Variants in TOX3 observed in about 807,000 individuals in gnomAD.
TOX3 encodes the protein TOX high mobility group box family member 3.
Under a neutral mutation model 64.3 loss-of-function variants are expected in TOX3, and 22 were observed. The ratio of observed to expected loss-of-function variants is 0.34; its 90% confidence interval spans 0.24 to 0.49. The LOEUF (loss-of-function observed/expected upper bound fraction) is 0.49. Among genes scored for constraint, TOX3 ranks in the 20% least tolerant of loss-of-function variants. The pLI is 0.99. For synonymous variants in TOX3, 291 were observed against 273.6 expected (o/e 1.06, Z -0.63); for missense variants, 661 against 714.4 (o/e 0.93, Z 0.85).
intron 1 of TOX3, among the ~76,000 whole-genome samples, chr16:52,508,040 G>C (rs1962207822): frequency 6.6e-6 from 1 of 152,180 alleles, no homozygotes; most frequent in South Asian, 2.1e-4. Flanking sequence ...AAAATATCGA[G>C]CAGTTTTGAC....
At chr16:52,478,341 T>C (rs1419085364) in intron 1 of TOX3, among the ~76,000 whole-genome samples, 7 of 152,190 alleles carry the variant, frequency 4.6e-5, no homozygotes, top group African/African-American at 1.7e-4. Flanking sequence ...CTTGCTGTTC[T>C]TGCCTGGGCC....
At chr16:52,468,082 C>T (rs1360400544) in intron 2 of TOX3, among the ~76,000 whole-genome samples, 1 of 152,092 alleles carries the variant, frequency 6.6e-6, no homozygotes, top group African/African-American at 2.4e-5. Context: ...CATAGTTTCC[C>T]AAACCATGAC....
At chr16:52,530,097 C>A (rs1962818437) in intron 1 of TOX3, among the ~76,000 whole-genome samples, 1 of 152,166 alleles carries the variant, frequency 6.6e-6, no homozygotes, top group Admixed American at 6.5e-5. Flanking sequence ...TATATTATTT[C>A]TTCCAACAGA....
intron 2 of TOX3, among the ~76,000 whole-genome samples, chr16:52,466,667 C>G (rs1196431107): frequency 1.3e-5 from 2 of 152,064 alleles, no homozygotes; most frequent in African/African-American, 4.8e-5. Flanking sequence ...TGTTCAGGAA[C>G]AGAGAGAGAT....
intron 1 of TOX3, among the ~76,000 whole-genome samples, chr16:52,469,747 T>C (rs548145067): frequency 6.6e-6 from 1 of 152,170 alleles, no homozygotes; most frequent in East Asian, 1.9e-4. Context: ...GATACATAGA[T>C]ATGGAAGACT....
At chr16:52,543,239 AG>A (rs1567358993) in intron 1 of TOX3, among the ~76,000 whole-genome samples, 1 of 152,172 alleles carries the variant, frequency 6.6e-6, no homozygotes, top group Admixed American at 6.5e-5. Flanking sequence ...GCTTAGATCT[AG>A]AAGTTTCAGA....
intron 1 of TOX3, among the ~76,000 whole-genome samples, chr16:52,496,849 C>T (rs1357219779): frequency 1.3e-5 from 2 of 151,478 alleles, no homozygotes; most frequent in East Asian, 1.9e-4. Flanking sequence ...TTAGTGCCCA[C>T]GGCAGTCTAA....
At chr16:52,503,174 T>C (rs1016370994) in intron 1 of TOX3, among the ~76,000 whole-genome samples, 5 of 152,222 alleles carry the variant, frequency 3.3e-5, no homozygotes, top group Admixed American at 2.6e-4. Flanking sequence ...ATGAAAATTA[T>C]GTTTTTATGA....
rs74017817 is a variant in TOX3, at chr16:52,464,132, C to T, written c.210G>A (p.Thr70=). 1.5e-3 allele frequency: 2,428 copies of T among 1,579,604 alleles called. 34 individuals are homozygous for T. The African/African-American group carries it at 0.028, about 18-fold the overall frequency. ...GDEEFEIPPI[T]PPPESDPALG... is the part of the protein sequence containing the mutation. ...GGGCAGGGTCTGACTCTGGAGGAGG[C>T]GTGATTGGTGGAATTTCGAATTCCT... Residue 70 remains threonine (T), a synonymous_variant, in exon 3 of 7, where the codon ACG becomes ACA. Coordinates refer to ENST00000219746, the MANE Select transcript of TOX3 (RefSeq NM_001080430.4).
At chr16:52,526,878 C>A (rs1384206424) in intron 1 of TOX3, among the ~76,000 whole-genome samples, 1 of 152,202 alleles carries the variant, frequency 6.6e-6, no homozygotes, top group Non-Finnish European at 1.5e-5. Flanking sequence ...GTGTAATCAG[C>A]TTATGAAATC....
intron 1 of TOX3, among the ~76,000 whole-genome samples, chr16:52,534,986 C>G (rs1962919399): frequency 6.6e-6 from 1 of 151,900 alleles, no homozygotes; most frequent in Non-Finnish European, 1.5e-5. Context: ...TTTAAGTGTG[C>G]CCAAAATAAA....
chr16:52,459,888 T>C (rs1301679197), intron 3 of TOX3, among the ~76,000 whole-genome samples: 1 of 152,088 alleles, frequency 6.6e-6, no homozygotes, highest in African/African-American at 2.4e-5. Context: ...ACTTCAAAAT[T>C]AGAGCCATGC....
intron 1 of TOX3, among the ~76,000 whole-genome samples, chr16:52,479,930 T>C (rs1438496834): frequency 1.3e-5 from 2 of 152,196 alleles, no homozygotes. Flanking sequence ...AACAACTCTT[T>C]GGAAAAGGCT....
upstream of TOX3, chr16:52,547,656 CAGACGCCAACCTGCACG>C (rs1189535370): frequency 3.3e-5 from 5 of 152,258 alleles, no homozygotes; most frequent in East Asian, 9.7e-4. Flanking sequence ...ACACCTAACC[CAGACGCCAACCTGCACG>C]AGTGTCTCCC....
chr16:52,480,515 A>T (rs1961341802), intron 1 of TOX3, among the ~76,000 whole-genome samples: 1 of 152,200 alleles, frequency 6.6e-6, no homozygotes, highest in East Asian at 1.9e-4. Flanking sequence ...GCACAACCAT[A>T]TGAAACTTCA....
In TOX3 at chr16:52,444,346, C is replaced by G; in HGVS notation, c.917G>C (p.Arg306Thr). 1 of 1,577,524 alleles carries G rather than the reference C, an allele frequency of 6.3e-7. No individual in the cohort carries two copies. The highest frequency in any genetic ancestry group is 2.3e-5 in the East Asian group (1 of 43,546). ...LGEEQKQVYK[R>T]KTEAAKKEYL... ...TTCTTTTTTGGCAGCTTCTGTTTTC[C>G]TTTTATATACCTATTAAAAGACCAC... The change falls in exon 6 of 7, where the codon AGG becomes ACG. Residue 306 changes from arginine (R) to threonine (T), a missense_variant. By Grantham distance (71) the Arg-to-Thr change is moderately conservative (BLOSUM62 -1). Transcript: ENST00000219746.
chr16:52,471,336 G>A (rs1306295221), intron 1 of TOX3, among the ~76,000 whole-genome samples: 5 of 152,082 alleles, frequency 3.3e-5, no homozygotes, highest in Admixed American at 6.6e-5. Context: ...ATTTTAAAAT[G>A]TGACCTATGA....
At chr16:52,526,155 G>A (rs1962722871) in intron 1 of TOX3, among the ~76,000 whole-genome samples, 1 of 152,078 alleles carries the variant, frequency 6.6e-6, no homozygotes, top group African/African-American at 2.4e-5. Context: ...AAAAGAGGAT[G>A]GTATTTTTTT....
At chr16:52,497,797 T>C (rs1961888608) in intron 1 of TOX3, among the ~76,000 whole-genome samples, 1 of 152,106 alleles carries the variant, frequency 6.6e-6, no homozygotes, top group Admixed American at 6.6e-5. Context: ...TTTTAATGTT[T>C]AGGGCCATAT....
Sources: gnomAD v4.1 joint callset for allele counts (sites outside exome capture counted in the v4.1 genomes callset) on GRCh38, gnomAD v4.1.1 for gene constraint, MANE v1.5 for transcripts, NCBI Gene and HGNC (gene_info 2026-07-23, HGNC 2026-07-21) for gene names.